The following SYBU variants were observed in gnomAD, a reference collection of about 807,000 sequenced individuals.
SYBU encodes the protein syntabulin, also known as GOLSYN A protein.
Under a neutral mutation model 35.9 loss-of-function variants are expected in SYBU, and 21 were observed. The observed-to-expected ratio is 0.58, with a 90% CI of 0.41 to 0.84. The LOEUF is 0.84. Ranked by LOEUF, SYBU falls within the 40% of genes least tolerant of loss-of-function variation. The pLI, the probability that SYBU is intolerant of heterozygous loss-of-function variation, is 0.00. For synonymous variants in SYBU, 319 were observed against 324.3 expected (o/e 0.98, Z 0.18); for missense variants, 768 against 848.2 (o/e 0.91, Z 1.17).
intron 2 of SYBU, among the ~76,000 whole-genome samples, chr8:109,641,229 C>T (rs974370493): frequency 3.3e-5 from 5 of 152,190 alleles, no homozygotes; most frequent in Admixed American, 1.3e-4. Flanking sequence ...ATGGTGGCAC[C>T]TTCAGGAACT....
chr8:109,623,827 T>C (rs1825544517), intron 2 of SYBU, among the ~76,000 whole-genome samples: 1 of 152,282 alleles, frequency 6.6e-6, no homozygotes, highest in African/African-American at 2.4e-5. Flanking sequence ...CCCATAATTC[T>C]TATTGTGTGA....
At chr8:109,582,157 T>C (rs1015757827) in intron 4 of SYBU, among the ~76,000 whole-genome samples, 2 of 152,208 alleles carry the variant, frequency 1.3e-5, no homozygotes, top group Non-Finnish European at 2.9e-5. Flanking sequence ...ACCTGGGGAA[T>C]TTTATTACGA....
intron 3 of SYBU, among the ~76,000 whole-genome samples, chr8:109,600,967 T>C (rs1825455836): frequency 6.6e-6 from 1 of 152,082 alleles, no homozygotes; most frequent in Non-Finnish European, 1.5e-5. Flanking sequence ...TCTAGGGAAA[T>C]CTCTAGTAAC....
At chr8:109,618,733 G>C (rs1049248233) in intron 3 of SYBU, 109 bp downstream of exon 3, 6 of 991,236 alleles carry the variant, frequency 6.1e-6, no homozygotes, top group Non-Finnish European at 9.4e-6. Context: ...TTTAGATGCT[G>C]GGTACGGTAT....
chr8:109,608,130 AAGCCAGCCTATCAGGGAAG>A, intron 3 of SYBU: 4 of 535,808 alleles, frequency 7.5e-6, no homozygotes, highest in African/African-American at 1.9e-5. Flanking sequence ...GGCAGAGGGA[AAGCCAGCCTATCAGGGAAG>A]AGCACAGGGC....
chr8:109,590,597 A>G lies in SYBU; in HGVS notation c.428-4435T>C, dbSNP rs184314912. Among the ~76,000 whole-genome samples, 313 of 152,236 alleles carry G rather than the reference A, an allele frequency of 2.1e-3. 2 individuals carry two copies. Among genetic ancestry groups the G allele is most frequent in the African/African-American group, 4.3e-3 (180 of 41,560 alleles). On this transcript the variant is annotated intron_variant, in intron 3 of 6. Coordinates refer to ENST00000276646, the MANE Select transcript of SYBU (RefSeq NM_001099754.2). The stretch of plus-strand genomic sequence containing the variant: ...CTAAACACAAAAGAAGAGAAGTTCA[A>G]ACTTAAAGTATTTAGAAGTGAATAA...
At chr8:109,651,448 CTTTTTTTTTTTT>C (rs535652540) in intron 1 of SYBU, among the ~76,000 whole-genome samples, 31 of 64,500 alleles carry the variant, frequency 4.8e-4, no homozygotes, top group African/African-American at 1.1e-3. Context: ...GAAATTGAGA[CTTTTTTTTTTTT>C]TTTTTTTTTT....
chr8:109,637,076 G>A (rs1563750034), intron 2 of SYBU, among the ~76,000 whole-genome samples: 1 of 152,120 alleles, frequency 6.6e-6, no homozygotes, highest in African/African-American at 2.4e-5. Flanking sequence ...AATACACACA[G>A]ACCACAAAGA....
chr8:109,650,528 T>C (rs1208488650), intron 1 of SYBU, among the ~76,000 whole-genome samples: 2 of 152,200 alleles, frequency 1.3e-5, no homozygotes, highest in Non-Finnish European at 2.9e-5. Context: ...TGGGGGTCAC[T>C]GGTGCAGTTG....
At chr8:109,579,257 C>G (rs939806705) in intron 5 of SYBU, among the ~76,000 whole-genome samples, 1 of 152,146 alleles carries the variant, frequency 6.6e-6, no homozygotes, top group Non-Finnish European at 1.5e-5. Flanking sequence ...GCTCCACACT[C>G]CCTACAATCT....
At position 109,584,288 on chromosome 8, in the gene SYBU, T is replaced by C. The variant is rs1412502428; in HGVS notation, c.530+1772A>G. ...ATATTTGGCTATTTTATGTTTAATA[T>C]GTCAAATTTTGACCATGAATTCTAG... On this transcript the variant is annotated intron_variant, in intron 4 of 6. Transcript: ENST00000276646. The surrounding 1 kb of genome is among the most constrained non-coding windows in gnomAD (Gnocchi z 4.0). Among the ~76,000 whole-genome samples, 1 of 152,252 alleles carries C rather than the reference T, an allele frequency of 6.6e-6. No homozygotes were observed. Among genetic ancestry groups the C allele is most frequent in the Non-Finnish European group, 1.5e-5 (1 of 68,042 alleles).
intron 3 of SYBU, among the ~76,000 whole-genome samples, chr8:109,590,780 A>C (rs934486165): frequency 3.4e-4 from 51 of 151,218 alleles, no homozygotes; most frequent in Non-Finnish European, 6.5e-4. Flanking sequence ...AAAAAAAAAA[A>C]CTAACAGAAA....
chr8:109,688,488 T>C (rs1374502763), intron 1 of SYBU, among the ~76,000 whole-genome samples: 1 of 152,214 alleles, frequency 6.6e-6, no homozygotes, highest in Non-Finnish European at 1.5e-5. Flanking sequence ...CTGGGACTTC[T>C]GCCATTGGTG....
intron 1 of SYBU, among the ~76,000 whole-genome samples, chr8:109,652,214 C>A (rs1444406293): frequency 6.6e-6 from 1 of 152,208 alleles, no homozygotes; most frequent in Non-Finnish European, 1.5e-5. Flanking sequence ...CTAAATTAGA[C>A]TGGGGTCTGA....
chr8:109,617,247 T>C (rs776593340), intron 3 of SYBU, among the ~76,000 whole-genome samples: 15 of 152,326 alleles, frequency 9.8e-5, no homozygotes, highest in Non-Finnish European at 2.2e-4. Context: ...GCCCACATAC[T>C]GTATAATTCC....
In SYBU at chr8:109,644,727, G is replaced by T; in HGVS notation, c.-68C>A. The T allele has an allele frequency of 1.4e-6, 2 of 1,407,290 alleles. No homozygotes were observed. The highest frequency in any genetic ancestry group is 2.9e-5 in the East Asian group (1 of 34,158). The allele number at this position is 1,407,290 out of a possible 1,614,324, so 87.2% of individuals were successfully genotyped here. ...TCCAGGAGGAGGCACCTGCGAGCACGGAGCGAGGAGACTGCGCTGAGCCGG... is the reference window on the plus strand; with the variant it reads ...TCCAGGAGGAGGCACCTGCGAGCACTGAGCGAGGAGACTGCGCTGAGCCGG... On this transcript the variant is annotated 5_prime_UTR_variant, in exon 1 of 7. Transcript: ENST00000276646.
chr8:109,631,529 T>C (rs77915607), intron 2 of SYBU, among the ~76,000 whole-genome samples: 45 of 152,336 alleles, frequency 3.0e-4, no homozygotes, highest in Non-Finnish European at 5.7e-4. Flanking sequence ...TGCAGAAGAC[T>C]CCGTGCTCTC....
At chr8:109,633,269 C>T (rs1279880398) in intron 2 of SYBU, among the ~76,000 whole-genome samples, 1 of 152,154 alleles carries the variant, frequency 6.6e-6, no homozygotes, top group African/African-American at 2.4e-5. Flanking sequence ...CAGTCTCTAA[C>T]CGTGATCCTA....
At chr8:109,615,863 G>C (rs1811679766) in intron 3 of SYBU, among the ~76,000 whole-genome samples, 1 of 151,960 alleles carries the variant, frequency 6.6e-6, no homozygotes, top group South Asian at 2.1e-4. Flanking sequence ...CACTCTTCTG[G>C]AGTATGGGTC....
Sources: gnomAD v4.1 joint callset for allele counts (sites outside exome capture counted in the v4.1 genomes callset) on GRCh38, gnomAD v4.1.1 for gene constraint, Gnocchi (gnomAD v3.1) non-coding constraint, MANE v1.5 for transcripts, NCBI Gene and HGNC (gene_info 2026-07-23, HGNC 2026-07-21) for gene names.